The following ZNF678 variants were observed in gnomAD, a reference collection of about 807,000 sequenced individuals.
The protein encoded by ZNF678 is hypothetical protein MGC42493.
Under a neutral mutation model 3.0 loss-of-function variants are expected in ZNF678, and 5 were observed. The observed-to-expected ratio is 1.69, with a 90% confidence interval of 0.88 to 3.56. The LOEUF is 3.56. Ranked by LOEUF, ZNF678 falls within the 30% of genes most tolerant of loss-of-function variation. ZNF678 has a pLI of 0.00. For synonymous variants in ZNF678, 218 were observed against 199.6 expected (o/e 1.09, Z -0.78); for missense variants, 593 against 605.0 (o/e 0.98, Z 0.21).
chr1:227,567,659 A>G (rs909668104), intron 1 of ZNF678, among the ~76,000 whole-genome samples: 1 of 151,142 alleles, frequency 6.6e-6, no homozygotes, highest in African/African-American at 2.4e-5. Flanking sequence ...AAGCTAATTT[A>G]TATTTACATA....
chr1:227,572,672 G>A (rs1262263769), intron 1 of ZNF678, among the ~76,000 whole-genome samples: 1 of 152,146 alleles, frequency 6.6e-6, no homozygotes. Flanking sequence ...AAGGCCTAAA[G>A]TTGTAAAGGG....
intron 2 of ZNF678, 50 bp downstream of exon 2, chr1:227,646,720 A>G (rs990193273): frequency 7.5e-7 from 1 of 1,339,802 alleles, no homozygotes; most frequent in Non-Finnish European, 9.9e-7. Context: ...TACGGATTCC[A>G]TATTTTTCAC....
chr1:227,646,429 T>C, intron 1 of ZNF678, 115 bp from the exon 2 acceptor site: 1 of 1,009,126 alleles, frequency 9.9e-7, no homozygotes, highest in Non-Finnish European at 1.4e-6. Context: ...AAACAATGTC[T>C]TACTGGACAG....
chr1:227,573,205 G>C (rs1656899902), intron 1 of ZNF678, among the ~76,000 whole-genome samples: 1 of 152,216 alleles, frequency 6.6e-6, no homozygotes, highest in Non-Finnish European at 1.5e-5. Flanking sequence ...ACAGCGTGGG[G>C]GTGGTGCATT....
At chr1:227,645,530 T>G (rs543818493) in intron 1 of ZNF678, among the ~76,000 whole-genome samples, 12 of 152,366 alleles carry the variant, frequency 7.9e-5, no homozygotes, top group African/African-American at 2.6e-4. Flanking sequence ...TTCAGGCTTT[T>G]TAAGTGCCAT....
At chr1:227,589,026 G>T (rs1323351901) in intron 1 of ZNF678, among the ~76,000 whole-genome samples, 2 of 151,680 alleles carry the variant, frequency 1.3e-5, no homozygotes, top group African/African-American at 4.8e-5. Flanking sequence ...ATTCCTTGTA[G>T]ACTCTGAATA....
chr1:227,584,498 A>G (rs1657209331), intron 1 of ZNF678, among the ~76,000 whole-genome samples: 1 of 152,216 alleles, frequency 6.6e-6, no homozygotes, highest in Non-Finnish European at 1.5e-5. Flanking sequence ...AAGGCTGATC[A>G]CTTTTGGCTG....
At chr1:227,565,232 A>C (rs542155056) in intron 1 of ZNF678, among the ~76,000 whole-genome samples, 1 of 149,100 alleles carries the variant, frequency 6.7e-6, no homozygotes, top group South Asian at 2.1e-4. Context: ...CACCTGGCTA[A>C]TTTTTGTATT....
In ZNF678 at chr1:227,661,970, A is replaced by G. The variant is rs1442919650; in HGVS notation, c.*6142A>G. Reference sequence around the variant, plus strand: ...GACAAGGAGGGAACTACAGTCAGTAACAGCAGCATGAGCCTCAGGTGCTTT... The same window carrying G: ...GACAAGGAGGGAACTACAGTCAGTAGCAGCAGCATGAGCCTCAGGTGCTTT... On this transcript the variant is annotated 3_prime_UTR_variant, in exon 4 of 4. Coordinates refer to ENST00000343776, the MANE Select transcript of ZNF678 (RefSeq NM_001367909.1). The G allele has an allele frequency of 6.6e-6, 1 of 152,288 alleles. No individual in the cohort carries two copies. The highest frequency in any genetic ancestry group is 1.5e-5 in the Non-Finnish European group (1 of 68,102). The allele number at this position is 152,288 out of a possible 1,614,324, so 9.4% of individuals were successfully genotyped here.
At chr1:227,670,320 A>G (rs1353532198) in intron 5 of ZNF678, among the ~76,000 whole-genome samples, 2 of 152,266 alleles carry the variant, frequency 1.3e-5, no homozygotes, top group African/African-American at 4.8e-5. Context: ...ACAAGTATAT[A>G]TAATTGTAAT....
chr1:227,583,129 T>C (rs1327663230), intron 1 of ZNF678, among the ~76,000 whole-genome samples: 1 of 152,082 alleles, frequency 6.6e-6, no homozygotes, highest in East Asian at 1.9e-4. Flanking sequence ...TTAGAAATAA[T>C]AGATCCGTTG....
At chr1:227,653,653 T>C (rs922272858) in intron 3 of ZNF678, among the ~76,000 whole-genome samples, 33 of 152,094 alleles carry the variant, frequency 2.2e-4, no homozygotes, top group Non-Finnish European at 1.8e-4. Flanking sequence ...GAGATTCTTA[T>C]AGCCTCTCAA....
chr1:227,608,875 C>G (rs892069918), intron 1 of ZNF678, among the ~76,000 whole-genome samples: 1 of 152,050 alleles, frequency 6.6e-6, no homozygotes, highest in Non-Finnish European at 1.5e-5. Flanking sequence ...ATCTTGTGAT[C>G]ATCAAACCTG....
In ZNF678 at chr1:227,648,133, A is replaced by G. The variant is rs545544309; in HGVS notation, c.-37+1463A>G. 3.9e-5 allele frequency among the ~76,000 whole-genome samples: 6 copies of G among 152,348 alleles called. No individual in the cohort carries two copies. In the South Asian group the frequency reaches 1.2e-3, roughly 32 times the overall value. The stretch of plus-strand genomic sequence containing the variant: ...AACTCTATGCCCACATTGTTACAAT[A>G]TCAACAGTAATATAATTTAATATAT... On this transcript the variant is annotated intron_variant, in intron 2 of 3. Coordinates refer to ENST00000343776, the MANE Select transcript of ZNF678 (RefSeq NM_001367909.1).
chr1:227,605,451 A>C (rs1657840427), intron 1 of ZNF678, among the ~76,000 whole-genome samples: 1 of 152,344 alleles, frequency 6.6e-6, no homozygotes, highest in Non-Finnish European at 1.5e-5. Context: ...CTTTTAAAGC[A>C]AAATTTTCCA....
chr1:227,593,986 A>C (rs991328770), intron 1 of ZNF678, among the ~76,000 whole-genome samples: 3 of 151,834 alleles, frequency 2.0e-5, no homozygotes, highest in Admixed American at 6.6e-5. Context: ...GTGATCTTCA[A>C]ACTGGTGCTG....
chr1:227,606,501 G>A (rs971639108), intron 1 of ZNF678, among the ~76,000 whole-genome samples: 1 of 152,154 alleles, frequency 6.6e-6, no homozygotes, highest in African/African-American at 2.4e-5. Flanking sequence ...TTTACACGGA[G>A]ACATTCCATT....
At chr1:227,613,842 C>T (rs556969902) in intron 1 of ZNF678, among the ~76,000 whole-genome samples, 262 of 152,292 alleles carry the variant, frequency 1.7e-3, no homozygotes, top group Non-Finnish European at 2.8e-3. Context: ...ACAAGCCCCA[C>T]GCCCAAAACT....
chr1:227,595,829 C>G (rs1266587520), intron 1 of ZNF678, among the ~76,000 whole-genome samples: 1 of 152,180 alleles, frequency 6.6e-6, no homozygotes. Flanking sequence ...CGTGGGTGAT[C>G]AGGCCACGCT....
Sources: allele counts gnomAD v4.1 joint callset (sites outside exome capture counted in the v4.1 genomes callset), GRCh38; gene constraint gnomAD v4.1.1; transcripts MANE v1.5; gene names NCBI Gene and HGNC (gene_info 2026-07-23, HGNC 2026-07-21).